ENDOD1: variants seen among roughly 807,000 people sequenced by gnomAD.
The protein encoded by ENDOD1 is endonuclease domain-containing 1 protein.
In ENDOD1, 9 loss-of-function variants were observed where a neutral mutation model predicts 6.5. That is an observed-to-expected ratio of 1.39 (90% confidence interval 0.84 to 2.43). The LOEUF (loss-of-function observed/expected upper bound fraction) is 2.43. ENDOD1 is among the 30% of genes most tolerant of loss of function. The pLI, the probability that ENDOD1 is intolerant of heterozygous loss-of-function variation, is 0.00. For missense variants in ENDOD1, 648 were observed against 635.5 expected, an observed-to-expected ratio of 1.02 and a Z score of -0.21; for synonymous variants, 255 against 255.2, an observed-to-expected ratio of 1.00 and a Z score of 0.01.
intron 1 of ENDOD1, among the ~76,000 whole-genome samples, chr11:95,095,340 T>C (rs1858973847): frequency 4.4e-5 from 1 of 22,780 alleles, no homozygotes; most frequent in Non-Finnish European, 9.3e-5. Flanking sequence ...AAGAAGTGTG[T>C]TGTCAGAAAA....
intron 1 of ENDOD1, among the ~76,000 whole-genome samples, chr11:95,101,702 TTATTC>T (rs1859042533): frequency 6.6e-6 from 1 of 152,198 alleles, no homozygotes; most frequent in East Asian, 1.9e-4. Context: ...TTCATAACTT[TTATTC>T]TAGTTCCCAA....
At chr11:95,121,052 A>G (rs561176470) in intron 1 of ENDOD1, among the ~76,000 whole-genome samples, 80 of 152,238 alleles carry the variant, frequency 5.3e-4, no homozygotes, top group African/African-American at 1.9e-3. Flanking sequence ...GGGATGGTGG[A>G]GGGGTGGTGT....
chr11:95,117,278 A>G (rs1220182447), intron 1 of ENDOD1, among the ~76,000 whole-genome samples: 3 of 152,154 alleles, frequency 2.0e-5, no homozygotes, highest in Non-Finnish European at 4.4e-5. Context: ...GTGTGGTGGC[A>G]TGTGCCTGTA....
chr11:95,099,196 AG>A (rs1266464965), intron 1 of ENDOD1, among the ~76,000 whole-genome samples: 2 of 152,166 alleles, frequency 1.3e-5, no homozygotes, highest in African/African-American at 4.8e-5. Flanking sequence ...ATTTTCCATA[AG>A]GCACCAGGTT....
rs368207673 is a variant in ENDOD1 at position 95,127,595 on chromosome 11, A to C, written c.301-782A>C. Among the ~76,000 whole-genome samples, 7 of 152,326 alleles carry C rather than the reference A, an allele frequency of 4.6e-5. No homozygotes were observed. In the East Asian group the frequency reaches 9.6e-4, roughly 21 times the overall value. On this transcript the variant is annotated intron_variant, in intron 1 of 1. Transcript: ENST00000278505. ...AAATGTGTAAACATTCATTAGGAACATGTGCATTAAATTGCAACCAACATT... is the reference window on the plus strand; with the variant it reads ...AAATGTGTAAACATTCATTAGGAACCTGTGCATTAAATTGCAACCAACATT...
chr11:95,097,433 G>A (rs1565443626), intron 1 of ENDOD1, among the ~76,000 whole-genome samples: 1 of 152,144 alleles, frequency 6.6e-6, no homozygotes, highest in East Asian at 1.9e-4. Flanking sequence ...AGGCTGGTTT[G>A]GCTAGAGAAG....
chr11:95,114,283 AT>A (rs1230094388), intron 1 of ENDOD1, among the ~76,000 whole-genome samples: 4 of 147,512 alleles, frequency 2.7e-5, no homozygotes, highest in African/African-American at 1.1e-4. Context: ...TGCCTAGCTA[AT>A]TTTTTGTAGA....
chr11:95,097,013 G>T (rs1858992161), intron 1 of ENDOD1, among the ~76,000 whole-genome samples: 1 of 152,040 alleles, frequency 6.6e-6, no homozygotes, highest in African/African-American at 2.4e-5. Context: ...AATTAGCGAG[G>T]AGTGCTGGCA....
chr11:95,093,292 C>T (rs1555110034), intron 1 of ENDOD1, among the ~76,000 whole-genome samples: 4 of 152,224 alleles, frequency 2.6e-5, no homozygotes, highest in Non-Finnish European at 5.9e-5. Context: ...CCTGGAGTTC[C>T]TCTCATAAAC....
At chr11:95,119,991 G>A (rs570883460) in intron 1 of ENDOD1, among the ~76,000 whole-genome samples, 16 of 152,292 alleles carry the variant, frequency 1.1e-4, no homozygotes, top group South Asian at 1.0e-3. Flanking sequence ...AGAACACCCC[G>A]TCAGTGTTCC....
intron 1 of ENDOD1, among the ~76,000 whole-genome samples, chr11:95,126,814 G>A (rs1859316483): frequency 6.6e-6 from 1 of 152,046 alleles, no homozygotes; most frequent in Admixed American, 6.6e-5. Flanking sequence ...CTGAGTAGCT[G>A]GGACCACAGG....
rs1413260995 is a variant in ENDOD1 at position 95,130,039 on chromosome 11, G to A, written c.*460G>A. ...AAAAAAATCTGCAGCCAATTTCTTG[G>A]CATTTGCTTCTCTTTCTCCTCAACT... On this transcript the variant is annotated 3_prime_UTR_variant, in exon 2 of 2. Transcript: ENST00000278505. The A allele has an allele frequency of 1.3e-5, 2 of 153,694 alleles. No individual in the cohort carries two copies. Among genetic ancestry groups the A allele is most frequent in the Non-Finnish European group, 2.9e-5 (2 of 69,200 alleles). 9.5% of individuals were successfully genotyped at this position (153,694 alleles called of 1,614,324 possible).
At chr11:95,121,936 T>G (rs1290243758) in intron 1 of ENDOD1, among the ~76,000 whole-genome samples, 2 of 152,196 alleles carry the variant, frequency 1.3e-5, no homozygotes, top group African/African-American at 4.8e-5. Context: ...TGTGTTCCCC[T>G]ATATTTAGAG....
At chr11:95,100,189 C>T (rs1255973959) in intron 1 of ENDOD1, among the ~76,000 whole-genome samples, 10 of 152,128 alleles carry the variant, frequency 6.6e-5, no homozygotes, top group Admixed American at 1.3e-4. Context: ...ACGAGTCCTG[C>T]ACAGACTTAT....
intron 1 of ENDOD1, among the ~76,000 whole-genome samples, chr11:95,112,094 C>G (rs1454726478): frequency 6.6e-6 from 1 of 152,208 alleles, no homozygotes; most frequent in Non-Finnish European, 1.5e-5. Flanking sequence ...AAGGCCTAGG[C>G]CTTAACTTCA....
intron 1 of ENDOD1, among the ~76,000 whole-genome samples, chr11:95,090,615 G>A (rs565834135): frequency 2.6e-5 from 4 of 152,354 alleles, no homozygotes; most frequent in South Asian, 2.1e-4. Flanking sequence ...GGCGCTCACA[G>A]GCCTTCGTGC....
chr11:95,122,617 CACACACAG>C (rs1859273049), intron 1 of ENDOD1, among the ~76,000 whole-genome samples: 3 of 150,672 alleles, frequency 2.0e-5, no homozygotes, highest in Admixed American at 1.3e-4. Context: ...CACACACACA[CACACACAG>C]ACACTTTAGC....
At chr11:95,102,640 C>T (rs1382265850) in intron 1 of ENDOD1, among the ~76,000 whole-genome samples, 1 of 152,086 alleles carries the variant, frequency 6.6e-6, no homozygotes, top group Non-Finnish European at 1.5e-5. Flanking sequence ...CCACTGCACT[C>T]CAGCCTGGCT....
chr11:95,108,453 G>A (rs1349900802), intron 1 of ENDOD1, among the ~76,000 whole-genome samples: 1 of 148,712 alleles, frequency 6.7e-6, no homozygotes, highest in African/African-American at 2.5e-5. Flanking sequence ...TCTGCTAAAA[G>A]GCCTTTCAGG....
Sources: gnomAD v4.1 joint callset for allele counts (sites outside exome capture counted in the v4.1 genomes callset) on GRCh38, gnomAD v4.1.1 for gene constraint, MANE v1.5 for transcripts, NCBI Gene and HGNC (gene_info 2026-07-23, HGNC 2026-07-21) for gene names.